Variants in FAT3 observed in about 807,000 individuals in gnomAD.
FAT3 encodes protocadherin Fat 3.
A neutral mutation model predicts 310.2 loss-of-function variants in FAT3; 95 were observed. The observed-to-expected ratio is 0.31, with a 90% CI of 0.26 to 0.36. The LOEUF is 0.36. Ranked by LOEUF, FAT3 falls within the 10% of genes least tolerant of loss-of-function variation. FAT3 has a pLI of 1.00. For synonymous variants in FAT3, 2,314 were observed against 2,192.9 expected (o/e 1.06, Z -1.54); for missense variants, 5,408 against 5,715.6 (o/e 0.95, Z 1.74).
At chr11:92,494,726 C>G (rs116402093) in intron 2 of FAT3, among the ~76,000 whole-genome samples, 2,870 of 152,060 alleles carry the variant, frequency 0.019, 48 homozygotes, top group African/African-American at 0.046. Context: ...AGAACCTGCC[C>G]TCCTTGCCAG....
chr11:92,644,300 G>A (rs984051360), intron 3 of FAT3, among the ~76,000 whole-genome samples: 9 of 152,154 alleles, frequency 5.9e-5, no homozygotes, highest in African/African-American at 2.2e-4. Context: ...CAGGTCTGAG[G>A]GTTCCCTCTA....
intron 2 of FAT3, among the ~76,000 whole-genome samples, chr11:92,481,473 C>T (rs1428052274): frequency 2.0e-5 from 3 of 152,052 alleles, no homozygotes; most frequent in Non-Finnish European, 4.4e-5. Context: ...ATGCATTAAT[C>T]TAGTTTATTT....
At chr11:92,601,019 A>G (rs1417628799) in intron 3 of FAT3, among the ~76,000 whole-genome samples, 2 of 152,152 alleles carry the variant, frequency 1.3e-5, no homozygotes, top group Non-Finnish European at 2.9e-5. Flanking sequence ...CCTCTGAGAC[A>G]GGAGTCGGGG....
chr11:92,733,975 A>C (rs1197641625), intron 4 of FAT3, among the ~76,000 whole-genome samples: 1 of 152,206 alleles, frequency 6.6e-6, no homozygotes, highest in Non-Finnish European at 1.5e-5. Context: ...TTTGCTGCAA[A>C]GCATCTGTTT....
chr11:92,817,725 G>T (rs984431733), intron 13 of FAT3, among the ~76,000 whole-genome samples: 2 of 152,216 alleles, frequency 1.3e-5, no homozygotes, highest in African/African-American at 4.8e-5. Flanking sequence ...AGCTGCCTAT[G>T]AAGGAGGAAT....
At chr11:92,535,431 G>T (rs556829074) in intron 3 of FAT3, among the ~76,000 whole-genome samples, 1 of 152,320 alleles carries the variant, frequency 6.6e-6, no homozygotes, top group Admixed American at 6.5e-5. Context: ...TACCCAGTTT[G>T]TGGTGCTTGG....
At chr11:92,629,135 G>A (rs1438425894) in intron 3 of FAT3, among the ~76,000 whole-genome samples, 1 of 152,198 alleles carries the variant, frequency 6.6e-6, no homozygotes, top group African/African-American at 2.4e-5. Flanking sequence ...CTCTCTAGCA[G>A]GGCCAACTAA....
chr11:92,281,636 C>T (rs1946425002), intron 1 of FAT3, among the ~76,000 whole-genome samples: 1 of 152,076 alleles, frequency 6.6e-6, no homozygotes, highest in Admixed American at 6.6e-5. Context: ...TTCCTCAGAG[C>T]CTAGCATAGT....
intron 3 of FAT3, among the ~76,000 whole-genome samples, chr11:92,691,474 T>C (rs1170739628): frequency 1.3e-5 from 2 of 152,134 alleles, no homozygotes; most frequent in African/African-American, 4.8e-5. Context: ...TAGCTCAGTG[T>C]AACCTCAAAC....
chr11:92,373,947 A>G (rs1288428561), intron 2 of FAT3, among the ~76,000 whole-genome samples: 1 of 151,834 alleles, frequency 6.6e-6, no homozygotes, highest in African/African-American at 2.4e-5. Flanking sequence ...GCATGGGTCA[A>G]TTCAAGTTCA....
chr11:92,737,327 G>T (rs1945380964), intron 4 of FAT3, among the ~76,000 whole-genome samples: 1 of 152,084 alleles, frequency 6.6e-6, no homozygotes, highest in Non-Finnish European at 1.5e-5. Flanking sequence ...CAGGGACTCT[G>T]TGGGTAGCCA....
At position 92,873,299 on chromosome 11, in the gene FAT3, C is replaced by T. The variant is rs373987466; in HGVS notation, c.12127+6090C>T. 2.1e-4 allele frequency among the ~76,000 whole-genome samples: 32 copies of T among 152,330 alleles called. 1 individual carries two copies. The East Asian group carries it at 4.1e-3, about 19-fold the overall frequency. ...TACCCAGTGCCTCACCACCACATCA[C>T]AGCCACTTCCCCGAGCCATGTAAGT... is the stretch of plus-strand genomic sequence containing the variant. On this transcript the variant is annotated intron_variant, in intron 22 of 27. Coordinates refer to ENST00000525166, the MANE Select transcript of FAT3 (RefSeq NM_001367949.2).
At position 92,798,476 on chromosome 11, in the gene FAT3, A is replaced by C; in HGVS notation, c.5463A>C (p.Lys1821Asn). 6.8e-6 allele frequency: 11 copies of C among 1,613,696 alleles called. No individual in the cohort carries two copies. Among genetic ancestry groups the C allele is most frequent in the Non-Finnish European group, 9.3e-6 (11 of 1,179,844 alleles). The change falls in exon 10 of 28, where the codon AAA (lysine) becomes AAC (asparagine). Residue 1821 changes from lysine (K) to asparagine (N), a missense_variant. Lys to Asn is a moderately conservative substitution (Grantham distance 94). Around this residue, in one of 5 missense-constraint regions of FAT3, gnomAD observed 4,588 missense variants for 4,809.8 expected, o/e 0.95. Coordinates refer to ENST00000525166, the MANE Select transcript of FAT3 (RefSeq NM_001367949.2). ...LVYQIVESTAKKFFTVDSSTG... is the reference protein window; with the variant it reads ...LVYQIVESTANKFFTVDSSTG... ...ATCAGATTGTGGAGTCAACAGCAAA[A>C]AAGTTTTTCACGGTGGACTCCAGTA...
intron 2 of FAT3, among the ~76,000 whole-genome samples, chr11:92,495,623 A>G (rs1031003137): frequency 1.3e-5 from 2 of 152,156 alleles, no homozygotes; most frequent in South Asian, 2.1e-4. Context: ...TGCTGTTTCA[A>G]TCATTGACAC....
rs1324536420 is a variant in FAT3, at chr11:92,835,064, G to A, written c.10066G>A (p.Val3356Met). The change falls in exon 15 of 28, where the codon GTG becomes ATG. Residue 3356 changes from valine to methionine, a missense_variant. By Grantham distance (21) the Val-to-Met change is conservative (BLOSUM62 1). Around this residue, in one of 5 missense-constraint regions of FAT3, gnomAD observed 4,588 missense variants for 4,809.8 expected, o/e 0.95. Transcript: ENST00000525166. ...TGCGGTTATCAGTGAAGACGCCTTG[G>A]TGGGAGACTCTGTCATTTTGGTAGG... is the stretch of plus-strand genomic sequence containing the variant. ...YSAVISEDAL[V>M]GDSVILLIAE... 2.5e-6 allele frequency: 4 copies of A among 1,612,662 alleles called. No individual in the cohort carries two copies. The highest frequency in any genetic ancestry group is 1.3e-5 in the African/African-American group (1 of 74,904).
rs529722030 is a variant in FAT3, at chr11:92,351,848, A to T, written c.-17-248A>T. On this transcript the variant is annotated intron_variant, in intron 1 of 27. Transcript: ENST00000525166. ...AATGAACAACGCTGTCAGTAGTATA[A>T]AAGTGTTATTTAAAACAAAGTGTCA... Among the ~76,000 whole-genome samples, 43 of 152,324 alleles carry T rather than the reference A, an allele frequency of 2.8e-4. No homozygotes were observed. In the South Asian group the frequency reaches 8.3e-3, roughly 29 times the overall value.
intron 3 of FAT3, among the ~76,000 whole-genome samples, chr11:92,540,737 A>G (rs1458521267): frequency 7.5e-6 from 1 of 134,168 alleles, no homozygotes; most frequent in Non-Finnish European, 1.6e-5. Flanking sequence ...GAACTATGGC[A>G]TGTTTTTGTT....
At chr11:92,308,378 A>G (rs1947194500) in intron 1 of FAT3, among the ~76,000 whole-genome samples, 1 of 152,188 alleles carries the variant, frequency 6.6e-6, no homozygotes, top group Non-Finnish European at 1.5e-5. Context: ...TTTTTAATTA[A>G]TGAAATGCTG....
intron 3 of FAT3, among the ~76,000 whole-genome samples, chr11:92,647,731 G>C (rs1044065255): frequency 6.6e-6 from 1 of 152,050 alleles, no homozygotes; most frequent in Non-Finnish European, 1.5e-5. Context: ...CAATTAAATG[G>C]AATTTCCTCA....
Sources: allele counts gnomAD v4.1 joint callset (sites outside exome capture counted in the v4.1 genomes callset), GRCh38; gene constraint gnomAD v4.1.1; regional missense constraint gnomAD v4.1.1; transcripts MANE v1.5; gene names NCBI Gene and HGNC (gene_info 2026-07-23, HGNC 2026-07-21).